The following TMEM132B variants were observed in gnomAD, a reference collection of about 807,000 sequenced individuals.
TMEM132B encodes the protein transmembrane protein 132B.
In TMEM132B, 18 loss-of-function variants were observed where a neutral mutation model predicts 90.8. That is an observed-to-expected ratio of 0.20 (90% CI 0.14 to 0.29). The LOEUF is 0.29. Ranked by LOEUF, TMEM132B falls within the 10% of genes least tolerant of loss-of-function variation. The probability of loss-of-function intolerance (pLI) is 1.00; values close to 1 mark genes in which losing one functional copy is unlikely to be tolerated. For synonymous variants in TMEM132B, 504 were observed against 523.3 expected (o/e 0.96, Z 0.50); for missense variants, 1,096 against 1,326.8 (o/e 0.83, Z 2.70).
At chr12:125,307,615 G>A (rs1005932636) in intron 1 of TMEM132B, among the ~76,000 whole-genome samples, 1 of 151,458 alleles carries the variant, frequency 6.6e-6, no homozygotes, top group Non-Finnish European at 1.5e-5. Flanking sequence ...TTACAAATAG[G>A]GCTAAAGTCT....
intron 2 of TMEM132B, among the ~76,000 whole-genome samples, chr12:125,366,746 A>G (rs1376201262): frequency 2.6e-5 from 4 of 152,194 alleles, no homozygotes; most frequent in African/African-American, 9.7e-5. Flanking sequence ...ATTTATTAAA[A>G]TATTCATTTC....
At chr12:125,645,163 A>G (rs145072374) in intron 6 of TMEM132B, among the ~76,000 whole-genome samples, 1 of 142,992 alleles carries the variant, frequency 7.0e-6, no homozygotes, top group African/African-American at 2.6e-5. Flanking sequence ...GCTTGCAGTG[A>G]GCCGAGATCT....
chr12:125,625,140 T>TTTTTTC (rs1392532886), intron 5 of TMEM132B, among the ~76,000 whole-genome samples: 1 of 139,498 alleles, frequency 7.2e-6, no homozygotes, highest in Admixed American at 7.1e-5. Context: ...CTTTTTTTTT[T>TTTTTTC]TTTTTTTTTT....
rs551019602 is a variant in TMEM132B, at chr12:125,333,001, G to A, written c.68-16451G>A. ...GTTGTAATAAGTTACCACTAACTCG[G>A]TGGCTTAAAACAACAGACACTGATT... On this transcript the variant is annotated intron_variant, in intron 1 of 8. Coordinates refer to ENST00000682704, the MANE Select transcript of TMEM132B (RefSeq NM_001366854.1). Among the ~76,000 whole-genome samples the A allele has an allele frequency of 1.2e-4, 19 of 152,286 alleles. No individual in the cohort carries two copies. The South Asian group carries it at 3.9e-3, about 32-fold the overall frequency.
intron 1 of TMEM132B, among the ~76,000 whole-genome samples, chr12:125,236,183 T>C (rs753087672): frequency 3.9e-4 from 60 of 152,036 alleles, no homozygotes; most frequent in Non-Finnish European, 7.1e-4. Context: ...TCTCTCTCTA[T>C]TGCCCAGGGT....
intron 4 of TMEM132B, among the ~76,000 whole-genome samples, chr12:125,554,549 G>C (rs1028559311): frequency 4.6e-5 from 7 of 151,008 alleles, no homozygotes; most frequent in Non-Finnish European, 7.4e-5. Context: ...GGATCGTCAT[G>C]CTCTTTTATA....
intron 2 of TMEM132B, among the ~76,000 whole-genome samples, chr12:125,383,912 A>C (rs1878752325): frequency 6.6e-6 from 1 of 152,178 alleles, no homozygotes; most frequent in South Asian, 2.1e-4. Context: ...TTTAATCAAA[A>C]GGGTTGAAAA....
chr12:125,226,213 TCA>T (rs980028060), intron 1 of TMEM132B, among the ~76,000 whole-genome samples: 6 of 152,024 alleles, frequency 3.9e-5, no homozygotes, highest in African/African-American at 1.5e-4. Context: ...TACGACAGAG[TCA>T]CACAGAGTTG....
Position 125,459,857 on chromosome 12 carries a change from G to A in TMEM132B, c.1106+44180G>A, listed in dbSNP as rs900845721. ...GCAGTTTCCCCCATACTGTTTTCAC[G>A]GTAGTGGATAAGTCTCATGAGATCT... On this transcript the variant is annotated intron_variant, in intron 3 of 8. Transcript: ENST00000682704. This position sits in a 1 kb window ranked among gnomAD's most constrained non-coding sequence, Gnocchi z 4.1. Among the ~76,000 whole-genome samples the A allele has an allele frequency of 1.3e-5, 2 of 152,088 alleles. No individual in the cohort carries two copies. Among genetic ancestry groups the A allele is most frequent in the African/African-American group, 2.4e-5 (1 of 41,404 alleles).
intron 2 of TMEM132B, among the ~76,000 whole-genome samples, chr12:125,385,612 A>G (rs181856206): frequency 6.6e-6 from 1 of 152,340 alleles, no homozygotes; most frequent in East Asian, 1.9e-4. Flanking sequence ...TCAGGCTTTA[A>G]TTTCCCAAGG....
chr12:125,420,704 A>T (rs945305313), intron 3 of TMEM132B, among the ~76,000 whole-genome samples: 3 of 152,282 alleles, frequency 2.0e-5, no homozygotes, highest in African/African-American at 7.2e-5. Flanking sequence ...CTCCTCAGAA[A>T]ATGGGTTTTT....
At chr12:125,472,345 C>A (rs533119523) in intron 3 of TMEM132B, among the ~76,000 whole-genome samples, 2 of 152,042 alleles carry the variant, frequency 1.3e-5, no homozygotes, top group East Asian at 3.9e-4. Flanking sequence ...AAAGTTAGAA[C>A]GGCCTCTGCA....
intron 1 of TMEM132B, among the ~76,000 whole-genome samples, chr12:125,252,819 G>C (rs2136103621): frequency 6.6e-6 from 1 of 152,274 alleles, no homozygotes; most frequent in African/African-American, 2.4e-5. Flanking sequence ...AGGTTCCAGA[G>C]TCACTCTCCG....
At chr12:125,461,895 C>T (rs1881446023) in intron 3 of TMEM132B, among the ~76,000 whole-genome samples, 1 of 152,192 alleles carries the variant, frequency 6.6e-6, no homozygotes, top group Non-Finnish European at 1.5e-5. Flanking sequence ...TGGTTCTCGA[C>T]CTCGCTGTGC....
chr12:125,313,309 C>T (rs7300278), intron 1 of TMEM132B, among the ~76,000 whole-genome samples: 17,350 of 152,134 alleles, frequency 0.11, 1,043 homozygotes, highest in South Asian at 0.18. Flanking sequence ...GTCAGATAGA[C>T]GCAATTCCTA....
chr12:125,444,688 T>G (rs1267802366), intron 3 of TMEM132B, among the ~76,000 whole-genome samples: 2 of 152,228 alleles, frequency 1.3e-5, no homozygotes, highest in Admixed American at 6.5e-5. Flanking sequence ...TTAACCTGGC[T>G]GGGCTGTAGT....
chr12:125,237,926 G>A (rs1315659033), intron 1 of TMEM132B, among the ~76,000 whole-genome samples: 2 of 152,112 alleles, frequency 1.3e-5, no homozygotes, highest in Non-Finnish European at 2.9e-5. Flanking sequence ...GGCCTCCTCC[G>A]CTGGTTCCTT....
intron 4 of TMEM132B, among the ~76,000 whole-genome samples, chr12:125,544,843 C>T (rs1360980083): frequency 6.6e-6 from 1 of 152,164 alleles, no homozygotes; most frequent in Non-Finnish European, 1.5e-5. Context: ...ACTTTGCAGA[C>T]ATCTTGGCGT....
chr12:125,215,833 C>T (rs984010944), intron 1 of TMEM132B, among the ~76,000 whole-genome samples: 9 of 152,240 alleles, frequency 5.9e-5, no homozygotes, highest in South Asian at 2.1e-4. Flanking sequence ...TGAGCCACTG[C>T]ACTGGCCCTC....
Sources: allele counts gnomAD v4.1 joint callset (sites outside exome capture counted in the v4.1 genomes callset), GRCh38; gene constraint gnomAD v4.1.1; non-coding constraint Gnocchi (gnomAD v3.1); transcripts MANE v1.5; gene names NCBI Gene and HGNC (gene_info 2026-07-23, HGNC 2026-07-21).